The following ATP23 variants were observed in gnomAD, a reference collection of about 807,000 sequenced individuals.
ATP23 encodes ATP23 metallopeptidase and ATP synthase assembly factor homolog.
In ATP23, 24 loss-of-function variants were observed where a neutral mutation model predicts 28.5. That is an observed-to-expected ratio of 0.84 (90% CI 0.61 to 1.18). The LOEUF (loss-of-function observed/expected upper bound fraction) is 1.18, where lower values mean the gene tolerates loss of function less well. Ranked by LOEUF, ATP23 falls within the 50% of genes most tolerant of loss-of-function variation. The probability of loss-of-function intolerance (pLI) is 0.00; values close to 1 mark genes in which losing one functional copy is unlikely to be tolerated. For synonymous variants in ATP23, 99 were observed against 108.6 expected, an observed-to-expected ratio of 0.91 and a Z score of 0.55; for missense variants, 274 against 306.4, an observed-to-expected ratio of 0.89 and a Z score of 0.79.
rs774566928 is a variant in ATP23, at chr12:57,956,887, A to G, written c.738A>G (p.Ile246Met). The G allele has an allele frequency of 5.0e-6, 8 of 1,596,226 alleles. No homozygotes were observed. The South Asian group carries it at 9.2e-5, about 18-fold the overall frequency. ...ACCGTGATCGGTATTATTCAAATAT[A>G]TGAGCACAATGACATTTTTATATTA... ...FENRDRYYSN[I>M] Residue 246 changes from isoleucine to methionine, a missense_variant, in exon 6 of 6, where the codon ATA becomes ATG. Coordinates refer to ENST00000300145, the MANE Select transcript of ATP23 (RefSeq NM_033276.4).
At chr12:57,944,311 A>G (rs1956738695) in intron 1 of ATP23, among the ~76,000 whole-genome samples, 1 of 151,758 alleles carries the variant, frequency 6.6e-6, no homozygotes, top group Non-Finnish European at 1.5e-5. Context: ...TGCCTTCAAC[A>G]TTTTTTTTAA....
At chr12:57,943,312 T>C (rs1255019533) in intron 1 of ATP23, among the ~76,000 whole-genome samples, 1 of 152,170 alleles carries the variant, frequency 6.6e-6, no homozygotes, top group Non-Finnish European at 1.5e-5. Context: ...GTGACTTAAC[T>C]TCTCTGATCC....
chr12:57,954,603 T>C (rs1956848093), intron 5 of ATP23, among the ~76,000 whole-genome samples: 1 of 152,204 alleles, frequency 6.6e-6, no homozygotes, highest in African/African-American at 2.4e-5. Context: ...AAAGAAAGTA[T>C]AGGACTCATG....
chr12:57,941,907 AGGCTGTGGTTCCACAGAAT>A lies in ATP23; in HGVS notation c.187+22_187+40del, dbSNP rs1278674828. On this transcript the variant is annotated intron_variant, in intron 1 of 5. Transcript: ENST00000300145. Reference sequence around the variant, plus strand: ...GAGACAAGTAGGAGCCATGACCTGGAGGCTGTGGTTCCACAGAATGGGTCTGAGACCGGGTGGGCGAGGA... The same window carrying A: ...GAGACAAGTAGGAGCCATGACCTGGAGGGTCTGAGACCGGGTGGGCGAGGA... The A allele has an allele frequency of 1.2e-6, 2 of 1,610,474 alleles. No homozygotes were observed. The highest frequency in any genetic ancestry group is 3.4e-5 in the Admixed American group (2 of 59,334).
intron 3 of ATP23, among the ~76,000 whole-genome samples, chr12:57,949,087 C>CT (rs559531173): frequency 7.9e-5 from 12 of 152,300 alleles, no homozygotes; most frequent in African/African-American, 2.9e-4. Flanking sequence ...TTGTTTCCAA[C>CT]TTTGTTATTA....
intron 3 of ATP23, among the ~76,000 whole-genome samples, chr12:57,948,201 G>A (rs928939204): frequency 5.9e-5 from 9 of 152,130 alleles, no homozygotes; most frequent in African/African-American, 2.2e-4. Flanking sequence ...TAAACAGAGT[G>A]CACATCTTGA....
Position 57,941,880 on chromosome 12 carries a change from T to A in ATP23, c.179T>A (p.Leu60Gln). Residue 60 changes from leucine to glutamine, a missense_variant, in exon 1 of 6, where the codon CTG becomes CAG. Leu to Gln is a moderately radical substitution (Grantham distance 113, BLOSUM62 -2). Coordinates refer to ENST00000300145, the MANE Select transcript of ATP23 (RefSeq NM_033276.4). ...TGCCAGCTTAGGCTCCTGAAGACGC[T>A]GGAGACAAGTAGGAGCCATGACCTG... ...QKCQLRLLKT[L>Q]ETNPYVKLLL... is the part of the protein sequence containing the mutation. 6.2e-7 allele frequency: 1 copy of A among 1,613,210 alleles called. No homozygotes were observed. Among genetic ancestry groups the A allele is most frequent in the Non-Finnish European group, 8.5e-7 (1 of 1,179,702 alleles).
rs1363044935 is a variant in ATP23 at position 57,957,971 on chromosome 12, G to T, written c.*1081G>T. On this transcript the variant is annotated 3_prime_UTR_variant, in exon 6 of 6. Transcript: ENST00000300145. ...AGCTCTTTTCTTTCACAGCTGGGAG[G>T]TGGGTAGCCTGGGGCAAGTTTTCAA... 6.6e-6 allele frequency among the ~76,000 whole-genome samples: 1 copy of T among 152,222 alleles called. No individual in the cohort carries two copies. Among genetic ancestry groups the T allele is most frequent in the Non-Finnish European group, 1.5e-5 (1 of 68,036 alleles).
Position 57,941,577 on chromosome 12 carries a change from G to A in ATP23, c.-125G>A. On this transcript the variant is annotated 5_prime_UTR_variant, in exon 1 of 6. Transcript: ENST00000300145. ...CCGCCTAACGTCTTCAGCCCAGCCA[G>A]GCTGCCCTTCTTCCCTGCGGAGGGA... 7.6e-7 allele frequency: 1 copy of A among 1,319,610 alleles called. No homozygotes were observed. The highest frequency in any genetic ancestry group is 2.6e-5 in the East Asian group (1 of 38,396). 81.7% of individuals were successfully genotyped at this position (1,319,610 alleles called of 1,614,324 possible). A position where few individuals can be genotyped will look rare whatever the true frequency, so the allele number is the denominator to read the frequency against.
intron 5 of ATP23, 44 bp from the exon 6 acceptor site, chr12:57,956,643 A>G (rs1565878825): frequency 1.5e-6 from 2 of 1,364,472 alleles, no homozygotes; most frequent in Non-Finnish European, 2.0e-6. Flanking sequence ...TCGTGATTAA[A>G]TGTTTATATA....
intron 1 of ATP23, among the ~76,000 whole-genome samples, chr12:57,944,848 G>A (rs187390350): frequency 2.7e-3 from 405 of 152,314 alleles, no homozygotes; most frequent in Middle Eastern, 6.8e-3. Context: ...GAAATAGTCT[G>A]TAGTACCCTA....
intron 3 of ATP23, among the ~76,000 whole-genome samples, chr12:57,950,534 T>C (rs1205323802): frequency 6.6e-6 from 1 of 151,728 alleles, no homozygotes; most frequent in Non-Finnish European, 1.5e-5. Flanking sequence ...TTTTCTTTTT[T>C]TTTTTTTTGA....
chr12:57,942,528 G>C (rs962454233), intron 1 of ATP23, among the ~76,000 whole-genome samples: 1 of 151,350 alleles, frequency 6.6e-6, no homozygotes, highest in Non-Finnish European at 1.5e-5. Context: ...GGTTCACGCC[G>C]TTCTCCTGCC....
rs893235487 is a variant in ATP23 at position 57,958,277 on chromosome 12, C to T, written c.*1387C>T. Among the ~76,000 whole-genome samples the T allele has an allele frequency of 5.9e-5, 9 of 152,142 alleles. No individual in the cohort carries two copies. Among genetic ancestry groups the T allele is most frequent in the Non-Finnish European group, 1.2e-4 (8 of 68,024 alleles). The stretch of plus-strand genomic sequence containing the variant: ...TCAGACATGTCTATCCCTGCCCCGA[C>T]CTGATGTTCCTTCCCTACCCACCCT... On this transcript the variant is annotated 3_prime_UTR_variant, in exon 6 of 6. Coordinates refer to ENST00000300145, the MANE Select transcript of ATP23 (RefSeq NM_033276.4).
intron 2 of ATP23, among the ~76,000 whole-genome samples, chr12:57,946,249 C>G (rs1183028404): frequency 6.6e-6 from 1 of 152,118 alleles, no homozygotes; most frequent in East Asian, 1.9e-4. Context: ...ATTACCAAGC[C>G]TGGCCTTTCT....
At chr12:57,943,451 AG>A (rs1370488222) in intron 1 of ATP23, among the ~76,000 whole-genome samples, 1 of 152,106 alleles carries the variant, frequency 6.6e-6, no homozygotes, top group East Asian at 1.9e-4. Context: ...GAGCCAAGGC[AG>A]GGGGATTGCT....
intron 1 of ATP23, among the ~76,000 whole-genome samples, chr12:57,942,893 T>G (rs1956721209): frequency 6.6e-6 from 1 of 152,192 alleles, no homozygotes; most frequent in African/African-American, 2.4e-5. Flanking sequence ...GAAGATTTCT[T>G]AATTCCTTTA....
intron 2 of ATP23, among the ~76,000 whole-genome samples, chr12:57,946,666 G>A (rs7358769): frequency 1.3e-5 from 2 of 151,878 alleles, no homozygotes; most frequent in Middle Eastern, 3.4e-3. Flanking sequence ...ATGTTGGTCA[G>A]GCTGGTCTTG....
chr12:57,947,159 C>A, intron 3 of ATP23, 83 bp downstream of exon 3: 3 of 1,320,438 alleles, frequency 2.3e-6, no homozygotes, highest in Non-Finnish European at 2.2e-6. Context: ...GCTCGGCATT[C>A]TGTTTGGTAG....
Sources: allele counts gnomAD v4.1 joint callset (sites outside exome capture counted in the v4.1 genomes callset), GRCh38; gene constraint gnomAD v4.1.1; transcripts MANE v1.5; gene names NCBI Gene and HGNC (gene_info 2026-07-23, HGNC 2026-07-21).